The following BIN3 variants were observed in gnomAD, a reference collection of about 807,000 sequenced individuals.
BIN3 encodes bridging integrator 3.
Under a neutral mutation model 38.2 loss-of-function variants are expected in BIN3, and 41 were observed. The observed-to-expected ratio is 1.07, with a 90% CI of 0.84 to 1.39. The LOEUF (loss-of-function observed/expected upper bound fraction) is 1.39. BIN3 is among the 40% of genes most tolerant of loss of function. The pLI, the probability that BIN3 is intolerant of heterozygous loss-of-function variation, is 0.00. For missense variants in BIN3, 361 were observed against 324.3 expected, an observed-to-expected ratio of 1.11 and a Z score of -0.87; for synonymous variants, 145 against 122.6, an observed-to-expected ratio of 1.18 and a Z score of -1.21.
intron 2 of BIN3, among the ~76,000 whole-genome samples, chr8:22,643,440 C>T (rs966177199): frequency 2.0e-5 from 3 of 152,204 alleles, no homozygotes; most frequent in Admixed American, 6.5e-5. Context: ...AAGCAGTCCT[C>T]CTGCTTTAGC....
intron 1 of BIN3, among the ~76,000 whole-genome samples, chr8:22,652,336 TCTGCAAACTGG>T (rs1244265108): frequency 6.6e-6 from 1 of 152,202 alleles, no homozygotes; most frequent in Non-Finnish European, 1.5e-5. Flanking sequence ...GGTAGGACAA[TCTGCAAACTGG>T]CTGAACAGTT....
At chr8:22,653,292 A>G (rs540071926) in intron 1 of BIN3, among the ~76,000 whole-genome samples, 2 of 152,322 alleles carry the variant, frequency 1.3e-5, no homozygotes, top group South Asian at 4.1e-4. Context: ...GAGTTTTCTA[A>G]CAATCATCAC....
intron 2 of BIN3, among the ~76,000 whole-genome samples, chr8:22,638,070 AAG>A (rs10605490): frequency 0.26 from 39,717 of 152,028 alleles, 5,632 homozygotes; most frequent in Non-Finnish European, 0.32. Context: ...TGACCCAAGA[AAG>A]AAGTCTTCCT....
At chr8:22,643,522 T>G (rs1802627634) in intron 2 of BIN3, among the ~76,000 whole-genome samples, 1 of 152,232 alleles carries the variant, frequency 6.6e-6, no homozygotes, top group Non-Finnish European at 1.5e-5. Context: ...TTGCCCAGGC[T>G]GGTCTCAAAC....
intron 1 of BIN3, among the ~76,000 whole-genome samples, chr8:22,659,124 C>A (rs1803151210): frequency 6.6e-6 from 1 of 152,246 alleles, no homozygotes; most frequent in East Asian, 1.9e-4. Flanking sequence ...AGAACAGCTG[C>A]TGGTTGGATG....
intron 6 of BIN3, chr8:22,625,939 G>A (rs554681749): frequency 6.7e-6 from 1 of 150,148 alleles, no homozygotes; most frequent in African/African-American, 2.4e-5. Flanking sequence ...TAAGAGTAAT[G>A]AACAGTTTTG....
chr8:22,629,927 A>C (rs367855217), intron 6 of BIN3, 37 bp downstream of exon 6: 2 of 1,572,918 alleles, frequency 1.3e-6, no homozygotes, highest in Non-Finnish European at 1.7e-6. Flanking sequence ...TGCCTCTCCC[A>C]TAAGTGCCCC....
chr8:22,641,491 G>A (rs576325736), intron 2 of BIN3, among the ~76,000 whole-genome samples: 3 of 152,308 alleles, frequency 2.0e-5, no homozygotes, highest in South Asian at 4.2e-4. Flanking sequence ...AGGCAGGGCT[G>A]GGGCACTGAT....
At position 22,630,467 on chromosome 8, in the gene BIN3, C is replaced by G. The variant is rs181817464; in HGVS notation, c.272G>C (p.Arg91Pro). Residue 91 changes from arginine to proline, a missense_variant, in exon 5 of 9, where the codon CGG becomes CCG. By Grantham distance (103) the Arg-to-Pro change is moderately radical. Coordinates refer to ENST00000276416, the MANE Select transcript of BIN3 (RefSeq NM_018688.6). ...MVTALDTAMK[R>P]MDAFNQEKVN... ...CTTTTCCTGATTGAAGGCATCCATC[C>G]GCTTCATGGCCGTGTCCAGGGCCGT... 8.7e-5 allele frequency: 141 copies of G among 1,613,914 alleles called. No homozygotes were observed. The highest frequency in any genetic ancestry group is 1.7e-5 in the Non-Finnish European group (20 of 1,179,890).
intron 6 of BIN3, among the ~76,000 whole-genome samples, chr8:22,629,551 T>C (rs1802114049): frequency 6.6e-6 from 1 of 152,254 alleles, no homozygotes; most frequent in Admixed American, 6.5e-5. Context: ...AGCCGAGTGC[T>C]GCAGGCAGCT....
chr8:22,652,223 C>T (rs1802924390), intron 1 of BIN3, among the ~76,000 whole-genome samples: 1 of 151,858 alleles, frequency 6.6e-6, no homozygotes, highest in Admixed American at 6.6e-5. Context: ...TAAGTGCTTT[C>T]CTTGGATGTG....
intron 1 of BIN3, 99 bp downstream of exon 1, chr8:22,668,945 G>T: frequency 6.7e-7 from 1 of 1,485,562 alleles, no homozygotes; most frequent in Non-Finnish European, 9.1e-7. Context: ...CGGAGGGGTC[G>T]CGCGGGACCG....
At chr8:22,668,171 G>A (rs77464978) in intron 1 of BIN3, among the ~76,000 whole-genome samples, 2 of 152,152 alleles carry the variant, frequency 1.3e-5, no homozygotes, top group Admixed American at 6.5e-5. Flanking sequence ...CTGCATATGA[G>A]TATTCTCTAA....
intron 2 of BIN3, among the ~76,000 whole-genome samples, chr8:22,641,565 C>T (rs186374405): frequency 2.0e-5 from 3 of 152,290 alleles, no homozygotes; most frequent in Non-Finnish European, 2.9e-5. Context: ...TTCTGGGAAG[C>T]CCCTCCTTCA....
chr8:22,666,293 G>A (rs896275568), intron 1 of BIN3, among the ~76,000 whole-genome samples: 2 of 149,986 alleles, frequency 1.3e-5, no homozygotes, highest in African/African-American at 4.9e-5. Flanking sequence ...AGATGGGGAA[G>A]AGAGACAGGA....
At position 22,643,174 on chromosome 8, in the gene BIN3, C is replaced by T. The variant is rs138838396; in HGVS notation, c.57+1581G>A. On this transcript the variant is annotated intron_variant, in intron 2 of 8. Transcript: ENST00000276416. ...AAACTCTGGAGACTCAAAGCCACAC[C>T]TTCCCACTTCCTGCAGCCGGCTAGA... 3.1e-3 allele frequency among the ~76,000 whole-genome samples: 466 copies of T among 152,324 alleles called. 5 individuals are homozygous for T. Among genetic ancestry groups the T allele is most frequent in the African/African-American group, 0.011 (447 of 41,554 alleles).
chr8:22,660,441 C>A (rs1803196835), intron 1 of BIN3, among the ~76,000 whole-genome samples: 1 of 152,234 alleles, frequency 6.6e-6, no homozygotes, highest in African/African-American at 2.4e-5. Context: ...CATCTTTAAT[C>A]TCACCTTTGC....
At chr8:22,625,605 T>C in intron 6 of BIN3, 1 of 587,804 alleles carries the variant, frequency 1.7e-6, no homozygotes, top group East Asian at 2.9e-5. Flanking sequence ...AATTTGGTTT[T>C]GAGACAGAGT....
At chr8:22,638,824 A>G (rs1445640464) in intron 2 of BIN3, among the ~76,000 whole-genome samples, 1 of 152,174 alleles carries the variant, frequency 6.6e-6, no homozygotes, top group East Asian at 1.9e-4. Flanking sequence ...CCCATCCTAC[A>G]ATCTTTCTTC....
Sources: allele counts gnomAD v4.1 joint callset (sites outside exome capture counted in the v4.1 genomes callset), GRCh38; gene constraint gnomAD v4.1.1; transcripts MANE v1.5; gene names NCBI Gene and HGNC (gene_info 2026-07-23, HGNC 2026-07-21).